Variants in TEX9 observed in about 807,000 individuals in gnomAD.
TEX9 encodes the protein testis expressed 9.
In TEX9, 74 loss-of-function variants were observed where a neutral mutation model predicts 59.6. The ratio of observed to expected loss-of-function variants is 1.24; its 90% CI spans 1.03 to 1.51. The LOEUF (loss-of-function observed/expected upper bound fraction) is 1.51. Among genes scored for constraint, TEX9 ranks in the 40% most tolerant of loss-of-function variants. The probability of loss-of-function intolerance (pLI) is 0.00; values close to 1 mark genes in which losing one functional copy is unlikely to be tolerated. For synonymous variants in TEX9, 186 were observed against 152.2 expected, an observed-to-expected ratio of 1.22 and a Z score of -1.64; for missense variants, 522 against 447.8, an observed-to-expected ratio of 1.17 and a Z score of -1.49.
the TEX9 span, among the ~76,000 whole-genome samples, chr15:56,455,352 C>G: frequency 2.0e-5 from 3 of 148,010 alleles, no homozygotes; most frequent in Non-Finnish European, 4.5e-5. Context: ...CAGATTTTAA[C>G]AGTAATTCTA....
chr15:56,395,889 A>G (rs1282402678), intron 9 of TEX9: 1 of 152,128 alleles, frequency 6.6e-6, no homozygotes, highest in Non-Finnish European at 1.5e-5. Context: ...TATCAGGTAT[A>G]TTTTGCAAAT....
intron 1 of TEX9, among the ~76,000 whole-genome samples, chr15:56,291,968 A>G (rs2045104857): frequency 6.6e-6 from 1 of 152,248 alleles, no homozygotes; most frequent in African/African-American, 2.4e-5. Flanking sequence ...CACAGCTGTT[A>G]GCTTGCTAAT....
intron 1 of TEX9, among the ~76,000 whole-genome samples, chr15:56,269,298 G>T (rs563632954): frequency 6.6e-6 from 1 of 151,790 alleles, no homozygotes; most frequent in South Asian, 2.1e-4. Context: ...TTTTTTGAAG[G>T]GTTTTTTCGT....
intron 1 of TEX9, among the ~76,000 whole-genome samples, chr15:56,320,599 C>G (rs1488324346): frequency 6.6e-6 from 1 of 152,186 alleles, no homozygotes; most frequent in African/African-American, 2.4e-5. Flanking sequence ...TCTATCAGAT[C>G]AGGGTCCAAT....
chr15:56,342,068 C>G (rs1364602073), intron 1 of TEX9, among the ~76,000 whole-genome samples: 1 of 151,980 alleles, frequency 6.6e-6, no homozygotes, highest in African/African-American at 2.4e-5. Context: ...TTTGATGAAG[C>G]CTAGGGTCTG....
At chr15:56,317,683 G>A (rs1236992223) in intron 1 of TEX9, among the ~76,000 whole-genome samples, 1 of 151,966 alleles carries the variant, frequency 6.6e-6, no homozygotes, top group Non-Finnish European at 1.5e-5. Flanking sequence ...TCTAAGTACA[G>A]CTTAATTGTG....
At chr15:56,438,827 G>A (rs572255694) in intron 12 of TEX9, among the ~76,000 whole-genome samples, 22 of 152,106 alleles carry the variant, frequency 1.4e-4, no homozygotes, top group South Asian at 8.3e-4. Flanking sequence ...AAAAGTGGGC[G>A]AAGGATATGA....
chr15:56,365,468 G>T, exon 1 of TEX9: 1 of 1,613,768 alleles, frequency 6.2e-7, no homozygotes. Flanking sequence ...GGCGAAGTCT[G>T]TGTCTCACGG....
chr15:56,438,479 A>C (rs1394745050), intron 12 of TEX9, among the ~76,000 whole-genome samples: 1 of 152,202 alleles, frequency 6.6e-6, no homozygotes, highest in African/African-American at 2.4e-5. Context: ...CTTACACCTT[A>C]TACAAAAATT....
intron 1 of TEX9, among the ~76,000 whole-genome samples, chr15:56,301,549 A>C (rs1479142582): frequency 6.6e-6 from 1 of 152,142 alleles, no homozygotes; most frequent in Non-Finnish European, 1.5e-5. Context: ...AGCAAGAGAA[A>C]AAAAAATGAA....
intron 10 of TEX9, among the ~76,000 whole-genome samples, chr15:56,427,268 A>G (rs78893773): frequency 0.03 from 4,203 of 140,660 alleles, 192 homozygotes; most frequent in African/African-American, 0.1. Context: ...TACACCTTCA[A>G]ATATACTTTT....
chr15:56,451,010 T>G, the TEX9 span, among the ~76,000 whole-genome samples: 4 of 152,250 alleles, frequency 2.6e-5, no homozygotes, highest in African/African-American at 9.6e-5. Flanking sequence ...TTTCATGTAC[T>G]TATCATTCAC....
At chr15:56,389,024 T>G (rs1236525866) in intron 5 of TEX9, among the ~76,000 whole-genome samples, 1 of 151,994 alleles carries the variant, frequency 6.6e-6, no homozygotes, top group Non-Finnish European at 1.5e-5. Flanking sequence ...TGAGGAGAAC[T>G]AAATTCTGTG....
intron 1 of TEX9, 50 bp from the exon 2 acceptor site, chr15:56,365,528 AC>A (rs1413998570): frequency 6.2e-7 from 1 of 1,614,058 alleles, no homozygotes; most frequent in African/African-American, 1.3e-5. Context: ...GGCGACTAGG[AC>A]GCCTAACTTC....
At chr15:56,428,319 G>C in intron 11 of TEX9, 48 bp from the exon 12 acceptor site, 1 of 1,367,966 alleles carries the variant, frequency 7.3e-7, no homozygotes, top group South Asian at 1.2e-5. Flanking sequence ...TTGTTTGGTG[G>C]CCTACTCTTA....
At chr15:56,271,329 C>T (rs1385873093) in intron 1 of TEX9, among the ~76,000 whole-genome samples, 4 of 152,220 alleles carry the variant, frequency 2.6e-5, no homozygotes, top group East Asian at 1.9e-4. Context: ...AGGCTTTGTT[C>T]GTTTCTTTTT....
exon 9 of TEX9, chr15:56,394,820 T>A: frequency 1.2e-6 from 2 of 1,607,860 alleles, no homozygotes; most frequent in Non-Finnish European, 1.7e-6. Context: ...GCAACAGTTG[T>A]CTTCAGTAGA....
At position 56,393,400 on chromosome 15, in the gene TEX9, C is replaced by T. The variant is rs140425002; in HGVS notation, c.572-765C>T. 4.3e-4 allele frequency among the ~76,000 whole-genome samples: 65 copies of T among 152,212 alleles called. No individual in the cohort carries two copies. The East Asian group carries it at 0.012, about 27-fold the overall frequency. On this transcript the variant is annotated intron_variant, in intron 7 of 12. Coordinates refer to ENST00000352903, the Ensembl canonical transcript of TEX9. The stretch of plus-strand genomic sequence containing the variant: ...GTATGGAGATGTTTTATGCTCTGCA[C>T]GTCACATGTGTATGGCTTAGTGAGA...
chr15:56,372,451 G>A (rs1239852505), intron 2 of TEX9, among the ~76,000 whole-genome samples: 7 of 152,100 alleles, frequency 4.6e-5, no homozygotes, highest in Non-Finnish European at 8.8e-5. Flanking sequence ...ATCCTAGGTG[G>A]TCTAGAAATG....
Sources: allele counts gnomAD v4.1 joint callset (sites outside exome capture counted in the v4.1 genomes callset), GRCh38; gene constraint gnomAD v4.1.1; transcripts MANE v1.5; gene names NCBI Gene and HGNC (gene_info 2026-07-23, HGNC 2026-07-21).